TAFA1: variants seen among roughly 807,000 people sequenced by gnomAD.
TAFA1 encodes the protein TAFA chemokine like family member 1, also known as chemokine-like protein TAFA-1.
TAFA1 carries 4 observed loss-of-function variants against 18.5 expected under a neutral mutation model. That is an observed-to-expected ratio of 0.22 (90% CI 0.11 to 0.49). The LOEUF (loss-of-function observed/expected upper bound fraction) is 0.49, where lower values mean the gene tolerates loss of function less well. Among genes scored for constraint, TAFA1 ranks in the 20% least tolerant of loss-of-function variants. TAFA1 has a pLI of 0.98. For missense variants in TAFA1, 147 were observed against 169.0 expected, an observed-to-expected ratio of 0.87 and a Z score of 0.72; for synonymous variants, 56 against 55.2, an observed-to-expected ratio of 1.01 and a Z score of -0.06.
intron 3 of TAFA1, among the ~76,000 whole-genome samples, chr3:68,477,990 G>C (rs1436607458): frequency 6.6e-6 from 1 of 152,144 alleles, no homozygotes; most frequent in Non-Finnish European, 1.5e-5. Context: ...ATTCATGAGA[G>C]ATTTGGAGCC....
At chr3:68,395,053 A>G (rs1434875659) in intron 2 of TAFA1, among the ~76,000 whole-genome samples, 1 of 152,188 alleles carries the variant, frequency 6.6e-6, no homozygotes, top group Admixed American at 6.5e-5. Flanking sequence ...TATTCATCTG[A>G]CAAAGGGCTA....
chr3:68,012,050 C>T (rs765736657), intron 2 of TAFA1, among the ~76,000 whole-genome samples: 49 of 152,082 alleles, frequency 3.2e-4, no homozygotes, highest in Non-Finnish European at 3.8e-4. Context: ...TGAAGTTTAG[C>T]CTTTAATTGT....
intron 3 of TAFA1, among the ~76,000 whole-genome samples, chr3:68,458,897 C>T (rs1326896692): frequency 6.6e-6 from 1 of 151,872 alleles, no homozygotes; most frequent in Non-Finnish European, 1.5e-5. Flanking sequence ...GAAACAGACT[C>T]TAAAACAGAT....
At chr3:68,012,428 A>T (rs1443816496) in intron 2 of TAFA1, among the ~76,000 whole-genome samples, 1 of 152,204 alleles carries the variant, frequency 6.6e-6, no homozygotes, top group Non-Finnish European at 1.5e-5. Flanking sequence ...GGATGAGAAT[A>T]TGTCTATCTA....
At chr3:68,014,286 C>T (rs1704528950) in intron 2 of TAFA1, among the ~76,000 whole-genome samples, 1 of 152,120 alleles carries the variant, frequency 6.6e-6, no homozygotes, top group Admixed American at 6.5e-5. Context: ...GATCAGCAGG[C>T]CAGCAGGTCT....
At chr3:68,295,252 A>T (rs2068186698) in intron 2 of TAFA1, among the ~76,000 whole-genome samples, 6 of 152,190 alleles carry the variant, frequency 3.9e-5, no homozygotes, top group Admixed American at 3.9e-4. Flanking sequence ...ACATTTGTGG[A>T]GGCAGAAGGA....
chr3:68,193,588 G>T (rs975692648), intron 2 of TAFA1, among the ~76,000 whole-genome samples: 4 of 151,770 alleles, frequency 2.6e-5, no homozygotes, highest in Non-Finnish European at 4.4e-5. Context: ...CTGCATTTTT[G>T]AGTGTAGTTT....
At chr3:68,006,530 T>A in intron 1 of TAFA1, 94 bp from the exon 2 acceptor site, 1 of 796,464 alleles carries the variant, frequency 1.3e-6, no homozygotes, top group Non-Finnish European at 2.3e-6. Flanking sequence ...CAAAGGAACA[T>A]GACGTCTGAG....
intron 2 of TAFA1, among the ~76,000 whole-genome samples, chr3:68,349,043 T>C (rs1407283324): frequency 6.6e-6 from 1 of 151,652 alleles, no homozygotes; most frequent in Non-Finnish European, 1.5e-5. Flanking sequence ...TGCTTGTTTC[T>C]TTATAGGAGA....
chr3:68,349,837 G>T lies in TAFA1; in HGVS notation c.119-67443G>T, dbSNP rs184881450. ...TTATCACCTTCCCTAGTGGGGATGC[G>T]GAAGGGAGCCCAGAAGATCAGCATC... On this transcript the variant is annotated intron_variant, in intron 2 of 4. Transcript: ENST00000478136. Among the ~76,000 whole-genome samples, 114 of 152,190 alleles carry T rather than the reference G, an allele frequency of 7.5e-4. 2 individuals are homozygous for T. Among genetic ancestry groups the T allele is most frequent in the African/African-American group, 2.5e-3 (105 of 41,546 alleles).
Position 68,417,321 on chromosome 3 carries a change from A to C in TAFA1, c.160A>C (p.Asn54His). Reference sequence around the variant, plus strand: ...AGTGATAGCAGCACACCGATGTTGTAACAAGAATCGCATTGAGGAGCGGTC... The same window carrying C: ...AGTGATAGCAGCACACCGATGTTGTCACAAGAATCGCATTGAGGAGCGGTC... ...CEVIAAHRCC[N>H]KNRIEERSQT... is the part of the protein sequence containing the mutation. The change falls in exon 3 of 5, where the codon AAC (asparagine) becomes CAC (histidine). Residue 54 changes from asparagine to histidine, a missense_variant. Transcript: ENST00000478136. 6.2e-7 allele frequency: 1 copy of C among 1,613,490 alleles called. No individual in the cohort carries two copies. Among genetic ancestry groups the C allele is most frequent in the Non-Finnish European group, 8.5e-7 (1 of 1,179,632 alleles).
chr3:68,248,762 A>G (rs2067135245), intron 2 of TAFA1, among the ~76,000 whole-genome samples: 3 of 145,852 alleles, frequency 2.1e-5, no homozygotes, highest in Non-Finnish European at 4.5e-5. Context: ...GGGGTGGGGT[A>G]GGGAGGGTAG....
chr3:68,253,056 A>G (rs902866289), intron 2 of TAFA1, among the ~76,000 whole-genome samples: 31 of 151,346 alleles, frequency 2.0e-4, no homozygotes, highest in African/African-American at 6.3e-4. Context: ...AGTCCATTAA[A>G]CCTCTTTCTT....
At chr3:68,354,076 T>G (rs1177367624) in intron 2 of TAFA1, among the ~76,000 whole-genome samples, 1 of 151,908 alleles carries the variant, frequency 6.6e-6, no homozygotes, top group East Asian at 1.9e-4. Context: ...ACTATAGGGG[T>G]TTTCGTTCAT....
At chr3:68,129,958 C>T (rs1015796477) in intron 2 of TAFA1, among the ~76,000 whole-genome samples, 1 of 152,156 alleles carries the variant, frequency 6.6e-6, no homozygotes, top group African/African-American at 2.4e-5. Flanking sequence ...AATGTAGAAG[C>T]CTATATGTGT....
At chr3:68,290,288 G>A (rs1484387833) in intron 2 of TAFA1, among the ~76,000 whole-genome samples, 1 of 152,086 alleles carries the variant, frequency 6.6e-6, no homozygotes, top group African/African-American at 2.4e-5. Flanking sequence ...AATGTTCTAT[G>A]GAACAATCTT....
At chr3:68,103,396 T>G (rs751255881) in intron 2 of TAFA1, among the ~76,000 whole-genome samples, 2 of 152,254 alleles carry the variant, frequency 1.3e-5, no homozygotes, top group Non-Finnish European at 2.9e-5. Context: ...TATGTCACAG[T>G]AATTCCAGCC....
intron 3 of TAFA1, among the ~76,000 whole-genome samples, chr3:68,463,513 G>A (rs543202815): frequency 5.5e-4 from 83 of 152,102 alleles, no homozygotes; most frequent in Admixed American, 5.2e-3. Context: ...CTCAGGATCC[G>A]CCCCCACTTA....
intron 2 of TAFA1, among the ~76,000 whole-genome samples, chr3:68,393,843 A>C (rs574338955): frequency 2.0e-5 from 3 of 152,194 alleles, no homozygotes. Context: ...TCAATAAACT[A>C]GGTATTGATG....
Sources: allele counts gnomAD v4.1 joint callset (sites outside exome capture counted in the v4.1 genomes callset), GRCh38; gene constraint gnomAD v4.1.1; transcripts MANE v1.5; gene names NCBI Gene and HGNC (gene_info 2026-07-23, HGNC 2026-07-21).